IPO11: variants seen among roughly 807,000 people sequenced by gnomAD.
The protein encoded by IPO11 is importin 11.
IPO11 carries 66 observed loss-of-function variants against 143.2 expected under a neutral mutation model. The ratio of observed to expected loss-of-function variants is 0.46; its 90% CI spans 0.38 to 0.57. The LOEUF is 0.57. IPO11 is among the 20% of genes least tolerant of loss of function. The pLI is 0.00. For missense variants in IPO11, 1,026 were observed against 1,141.0 expected (o/e 0.90, Z 1.45); for synonymous variants, 385 against 377.8 (o/e 1.02, Z -0.22).
intron 26 of IPO11, among the ~76,000 whole-genome samples, chr5:62,552,105 CAGAG>C (rs1743408860): frequency 6.6e-6 from 1 of 151,972 alleles, no homozygotes. Flanking sequence ...GCCTGGGCGA[CAGAG>C]AGAAACTCTG....
At chr5:62,566,229 A>G (rs1476784740) in intron 27 of IPO11, among the ~76,000 whole-genome samples, 2 of 152,090 alleles carry the variant, frequency 1.3e-5, no homozygotes, top group African/African-American at 4.8e-5. Context: ...CATTGAACTA[A>G]TTTACATTCT....
intron 20 of IPO11, among the ~76,000 whole-genome samples, chr5:62,519,411 T>A (rs984796304): frequency 1.3e-5 from 2 of 152,150 alleles, no homozygotes. Flanking sequence ...TCTCAGTCTT[T>A]CTCACTCTAA....
chr5:62,422,289 G>A (rs550734686), intron 1 of IPO11, among the ~76,000 whole-genome samples: 3 of 152,154 alleles, frequency 2.0e-5, no homozygotes, highest in Non-Finnish European at 4.4e-5. Context: ...ACCATGCTCA[G>A]CTAATTTTTG....
intron 9 of IPO11, among the ~76,000 whole-genome samples, chr5:62,482,885 A>C (rs942302584): frequency 6.6e-6 from 1 of 152,172 alleles, no homozygotes; most frequent in African/African-American, 2.4e-5. Context: ...TGAAAATAAT[A>C]GAAAGTTCTT....
intron 29 of IPO11, among the ~76,000 whole-genome samples, chr5:62,623,806 T>G (rs1746460220): frequency 6.6e-6 from 1 of 151,702 alleles, no homozygotes; most frequent in African/African-American, 2.4e-5. Context: ...CTAGTAGAGA[T>G]AGGGTTTCAT....
At chr5:62,446,266 A>T (rs1744717675) in intron 3 of IPO11, among the ~76,000 whole-genome samples, 1 of 152,232 alleles carries the variant, frequency 6.6e-6, no homozygotes, top group Non-Finnish European at 1.5e-5. Flanking sequence ...TGCCAGTTGG[A>T]ACTAGATAGA....
At chr5:62,500,401 A>G (rs1293294838) in intron 16 of IPO11, among the ~76,000 whole-genome samples, 1 of 152,224 alleles carries the variant, frequency 6.6e-6, no homozygotes, top group Non-Finnish European at 1.5e-5. Context: ...TAAAGTAACA[A>G]TAAAGAAGTA....
intron 15 of IPO11, among the ~76,000 whole-genome samples, chr5:62,491,688 T>TG (rs2112238599): frequency 6.7e-6 from 1 of 149,396 alleles, no homozygotes; most frequent in South Asian, 2.1e-4. Flanking sequence ...TTTTTTGAGA[T>TG]GGAGTCTTGC....
chr5:62,479,618 A>G (rs1259902312), intron 9 of IPO11, among the ~76,000 whole-genome samples: 4 of 152,080 alleles, frequency 2.6e-5, no homozygotes, highest in Admixed American at 6.5e-5. Flanking sequence ...TGACTTTTTA[A>G]TGGTCGCCAT....
At position 62,564,494 on chromosome 5, in the gene IPO11, G is replaced by A. The variant is rs568823310; in HGVS notation, c.2582+3237G>A. Among the ~76,000 whole-genome samples, 6 of 152,252 alleles carry A rather than the reference G, an allele frequency of 3.9e-5. No individual in the cohort carries two copies. In the South Asian group the frequency reaches 1.0e-3, roughly 26 times the overall value. On this transcript the variant is annotated intron_variant, in intron 27 of 29. Transcript: ENST00000325324. ...TTTCCCAAAATAAGGCATGTCTAAA[G>A]TATGATGTTGATGATTTTAAAAGTC...
chr5:62,585,124 G>A (rs1744722260), intron 27 of IPO11, among the ~76,000 whole-genome samples: 1 of 152,138 alleles, frequency 6.6e-6, no homozygotes, highest in Non-Finnish European at 1.5e-5. Context: ...TTGTTAGTAT[G>A]TATCTTTGGC....
chr5:62,504,318 A>G (rs796145838), intron 16 of IPO11, among the ~76,000 whole-genome samples: 130 of 152,050 alleles, frequency 8.5e-4, no homozygotes, highest in African/African-American at 2.9e-3. Flanking sequence ...ACATCCTCCA[A>G]TTTGTCCAAC....
chr5:62,549,669 G>T (rs1743328563), intron 24 of IPO11, among the ~76,000 whole-genome samples: 1 of 152,012 alleles, frequency 6.6e-6, no homozygotes, highest in Non-Finnish European at 1.5e-5. Flanking sequence ...TTGCTGTTTC[G>T]TGACCACTGC....
chr5:62,596,260 C>A (rs1342017462), intron 28 of IPO11, among the ~76,000 whole-genome samples: 2 of 64,800 alleles, frequency 3.1e-5, no homozygotes, highest in African/African-American at 8.0e-5. Flanking sequence ...CAGACCAAGG[C>A]CCTGTCTCAA....
chr5:62,427,011 C>G (rs1156792639), intron 1 of IPO11, among the ~76,000 whole-genome samples: 4 of 144,668 alleles, frequency 2.8e-5, no homozygotes, highest in African/African-American at 1.0e-4. Context: ...GATCTCGGCT[C>G]CCTGCAATTT....
chr5:62,493,034 T>G (rs902756820), intron 15 of IPO11, among the ~76,000 whole-genome samples: 6 of 152,250 alleles, frequency 3.9e-5, no homozygotes, highest in African/African-American at 1.4e-4. Context: ...TGCATGATTT[T>G]TCTCCTTACC....
intron 27 of IPO11, among the ~76,000 whole-genome samples, chr5:62,563,887 T>G (rs1032585806): frequency 6.6e-6 from 1 of 152,154 alleles, no homozygotes; most frequent in Non-Finnish European, 1.5e-5. Context: ...TTAAGTCAAC[T>G]TACATAAATT....
intron 20 of IPO11, among the ~76,000 whole-genome samples, chr5:62,516,337 A>G (rs1742019522): frequency 6.6e-6 from 1 of 151,792 alleles, no homozygotes; most frequent in Admixed American, 6.6e-5. Flanking sequence ...TCTGTTGCAC[A>G]GGCTGGAGCA....
At chr5:62,521,523 A>G (rs1399795702) in intron 20 of IPO11, among the ~76,000 whole-genome samples, 4 of 151,976 alleles carry the variant, frequency 2.6e-5, no homozygotes, top group East Asian at 3.9e-4. Context: ...TCCTGTTTTC[A>G]GTTTCATGAT....
Sources: allele counts gnomAD v4.1 joint callset (sites outside exome capture counted in the v4.1 genomes callset), GRCh38; gene constraint gnomAD v4.1.1; transcripts MANE v1.5; gene names NCBI Gene and HGNC (gene_info 2026-07-23, HGNC 2026-07-21).